The following TRHDE variants were observed in gnomAD, a reference collection of about 807,000 sequenced individuals.
TRHDE encodes thyrotropin-releasing hormone-degrading ectoenzyme.
Under a neutral mutation model 125.7 loss-of-function variants are expected in TRHDE, and 72 were observed. The observed-to-expected ratio is 0.57, with a 90% CI of 0.47 to 0.70. The LOEUF is 0.70. Among genes scored for constraint, TRHDE ranks in the 30% least tolerant of loss-of-function variants. The pLI, the probability that TRHDE is intolerant of heterozygous loss-of-function variation, is 0.00. For missense variants in TRHDE, 1,110 were observed against 1,327.1 expected (o/e 0.84, Z 2.54); for synonymous variants, 509 against 509.1 (o/e 1.00, Z 0.00).
intron 7 of TRHDE, among the ~76,000 whole-genome samples, chr12:72,554,634 G>A (rs1270891149): frequency 2.6e-5 from 4 of 152,150 alleles, no homozygotes; most frequent in Non-Finnish European, 5.9e-5. Flanking sequence ...CAGCCAGGAT[G>A]TAATTTATCT....
At chr12:72,448,062 C>T (rs1303016151) in intron 3 of TRHDE, among the ~76,000 whole-genome samples, 1 of 152,070 alleles carries the variant, frequency 6.6e-6, no homozygotes, top group Non-Finnish European at 1.5e-5. Flanking sequence ...CATAAGTCAT[C>T]TCTTTACAAG....
intron 2 of TRHDE, among the ~76,000 whole-genome samples, chr12:72,364,552 G>C (rs1374492497): frequency 1.3e-5 from 2 of 152,020 alleles, no homozygotes; most frequent in East Asian, 1.9e-4. Context: ...TCCTGGCACA[G>C]AGTAGCCTCT....
intron 6 of TRHDE, among the ~76,000 whole-genome samples, chr12:72,522,460 C>T (rs1218988702): frequency 6.6e-6 from 1 of 152,160 alleles, no homozygotes. Flanking sequence ...GTCATTAATC[C>T]TGCTCTCCAA....
chr12:72,513,001 A>C (rs1206671265), intron 6 of TRHDE, among the ~76,000 whole-genome samples: 4 of 152,062 alleles, frequency 2.6e-5, no homozygotes, highest in Non-Finnish European at 4.4e-5. Context: ...AATGACTTTT[A>C]ATCAGCATAA....
At chr12:72,569,658 A>G (rs1265101780) in intron 10 of TRHDE, among the ~76,000 whole-genome samples, 1 of 152,218 alleles carries the variant, frequency 6.6e-6, no homozygotes, top group East Asian at 1.9e-4. Flanking sequence ...AGTTCCATGC[A>G]GATGTTTACA....
At chr12:72,532,309 T>C (rs1487234034) in intron 6 of TRHDE, among the ~76,000 whole-genome samples, 2 of 151,734 alleles carry the variant, frequency 1.3e-5, no homozygotes, top group Non-Finnish European at 2.9e-5. Context: ...AATAATCTCT[T>C]TGCTATACTC....
chr12:72,176,240 G>A (rs1278975898), intron 2 of TRHDE, among the ~76,000 whole-genome samples: 3 of 152,168 alleles, frequency 2.0e-5, no homozygotes, highest in Non-Finnish European at 4.4e-5. Flanking sequence ...GTGTGGTGGT[G>A]CACACCTGTA....
intron 7 of TRHDE, among the ~76,000 whole-genome samples, chr12:72,544,025 T>C (rs1381468101): frequency 6.6e-6 from 1 of 151,306 alleles, no homozygotes; most frequent in Non-Finnish European, 1.5e-5. Context: ...ATACTTGATA[T>C]GGTTAATTTT....
At chr12:72,113,423 G>A (rs867920255) in intron 2 of TRHDE, among the ~76,000 whole-genome samples, 13 of 151,764 alleles carry the variant, frequency 8.6e-5, no homozygotes, top group Middle Eastern at 6.8e-3. Flanking sequence ...TCAGGAGTTC[G>A]AGACCAGCCT....
In TRHDE at chr12:72,140,755, C is replaced by T. The variant is rs148899423; in HGVS notation, n.279+35003C>T. Among the ~76,000 whole-genome samples, 20 of 152,244 alleles carry T rather than the reference C, an allele frequency of 1.3e-4. 1 individual carries two copies. In the East Asian group the frequency reaches 3.9e-3, roughly 29 times the overall value. ...ACTTAGTCTGGGAGTTCTCTGCTGCCCATTTTCCCTGTGCATGGTTTTCTC... is the reference window on the plus strand; with the variant it reads ...ACTTAGTCTGGGAGTTCTCTGCTGCTCATTTTCCCTGTGCATGGTTTTCTC... On this transcript the variant is annotated intron_variant and non_coding_transcript_variant, in intron 2 of 4. Coordinates refer to the TRHDE transcript ENST00000548156.
intron 2 of TRHDE, among the ~76,000 whole-genome samples, chr12:72,309,522 A>G (rs776586016): frequency 1.3e-5 from 2 of 152,226 alleles, no homozygotes; most frequent in African/African-American, 4.8e-5. Context: ...CTTTTCCTCA[A>G]AAAGAGATGA....
At chr12:72,345,731 TG>T (rs1421188476) in intron 2 of TRHDE, among the ~76,000 whole-genome samples, 1 of 151,958 alleles carries the variant, frequency 6.6e-6, no homozygotes, top group Non-Finnish European at 1.5e-5. Context: ...GGGCTCCCGG[TG>T]GGCATACCCC....
rs759546481 is a variant in TRHDE, at chr12:72,665,322, T to C, written c.*2127T>C. The C allele has an allele frequency of 3.9e-5, 6 of 152,442 alleles. No homozygotes were observed. The highest frequency in any genetic ancestry group is 7.4e-5 in the Non-Finnish European group (5 of 67,956). The allele number at this position is 152,442 out of a possible 1,614,324, so 9.4% of individuals were successfully genotyped here. A position where few individuals can be genotyped will look rare whatever the true frequency, so the allele number is the denominator to read the frequency against. ...GTATTTTCCTCCTCACTGTTAATAATCATAATCCTTTTTCAGTATTTTAGT... is the reference window on the plus strand; with the variant it reads ...GTATTTTCCTCCTCACTGTTAATAACCATAATCCTTTTTCAGTATTTTAGT... On this transcript the variant is annotated 3_prime_UTR_variant, in exon 19 of 19. Transcript: ENST00000261180.
intron 2 of TRHDE, among the ~76,000 whole-genome samples, chr12:72,166,907 C>T (rs1012726837): frequency 7.2e-6 from 1 of 139,234 alleles, no homozygotes; most frequent in African/African-American, 2.7e-5. Context: ...GGTAGATGAA[C>T]GTGTGTGTGT....
chr12:72,139,069 A>G (rs1220893424), intron 2 of TRHDE, among the ~76,000 whole-genome samples: 1 of 152,220 alleles, frequency 6.6e-6, no homozygotes, highest in Non-Finnish European at 1.5e-5. Context: ...AGGGGTTACC[A>G]TGGTGATTTT....
intron 2 of TRHDE, among the ~76,000 whole-genome samples, chr12:72,328,952 A>G (rs1869461214): frequency 6.6e-6 from 1 of 152,122 alleles, no homozygotes; most frequent in South Asian, 2.1e-4. Flanking sequence ...TATAAGTTAT[A>G]TTTTTTATAT....
At chr12:72,607,144 G>A (rs1053557085) in intron 12 of TRHDE, among the ~76,000 whole-genome samples, 1 of 152,012 alleles carries the variant, frequency 6.6e-6, no homozygotes, top group African/African-American at 2.4e-5. Context: ...ATTTAGTGAG[G>A]AAGGTTGTTT....
At chr12:72,110,759 G>T (rs377510320) in intron 2 of TRHDE, among the ~76,000 whole-genome samples, 13 of 152,072 alleles carry the variant, frequency 8.5e-5, no homozygotes, top group African/African-American at 3.1e-4. Flanking sequence ...ATTGAGCAGA[G>T]TTGTTTCAAT....
chr12:72,339,178 T>A (rs917714648), intron 2 of TRHDE, among the ~76,000 whole-genome samples: 3 of 152,160 alleles, frequency 2.0e-5, no homozygotes, highest in African/African-American at 7.2e-5. Context: ...CTCCCATAAT[T>A]TTTTCCTTTT....
Sources: gnomAD v4.1 joint callset for allele counts (sites outside exome capture counted in the v4.1 genomes callset) on GRCh38, gnomAD v4.1.1 for gene constraint, MANE v1.5 for transcripts, NCBI Gene and HGNC (gene_info 2026-07-23, HGNC 2026-07-21) for gene names.